Variants in NRXN3 observed in about 807,000 individuals in gnomAD.
NRXN3 encodes the protein neurexin III.
NRXN3 carries 32 observed loss-of-function variants against 137.6 expected under a neutral mutation model. That is an observed-to-expected ratio of 0.23 (90% CI 0.18 to 0.31). The LOEUF is 0.31. Ranked by LOEUF, NRXN3 falls within the 10% of genes least tolerant of loss-of-function variation. The probability of loss-of-function intolerance (pLI) is 1.00; values close to 1 mark genes in which losing one functional copy is unlikely to be tolerated. For synonymous variants in NRXN3, 798 were observed against 784.5 expected, an observed-to-expected ratio of 1.02 and a Z score of -0.29; for missense variants, 1,574 against 2,062.5, an observed-to-expected ratio of 0.76 and a Z score of 4.59.
At chr14:79,356,538 T>C (rs569503795) in intron 15 of NRXN3, among the ~76,000 whole-genome samples, 16 of 152,274 alleles carry the variant, frequency 1.1e-4, no homozygotes, top group African/African-American at 3.9e-4. Flanking sequence ...CATTTAAAGA[T>C]AATTGCAGAA....
At chr14:78,548,849 G>T (rs1600284367) in intron 4 of NRXN3, among the ~76,000 whole-genome samples, 1 of 152,248 alleles carries the variant, frequency 6.6e-6, no homozygotes, top group East Asian at 1.9e-4. Flanking sequence ...CCAAACCACA[G>T]GGGCTCTAGG....
chr14:79,697,071 C>A (rs559276291), intron 18 of NRXN3, among the ~76,000 whole-genome samples: 17 of 151,842 alleles, frequency 1.1e-4, no homozygotes, highest in Non-Finnish European at 2.5e-4. Flanking sequence ...AGAAATGATA[C>A]GTTTGGTGAC....
intron 4 of NRXN3, among the ~76,000 whole-genome samples, chr14:78,581,539 A>T (rs756362861): frequency 6.6e-6 from 1 of 152,246 alleles, no homozygotes; most frequent in Non-Finnish European, 1.5e-5. Context: ...CACATTGGTG[A>T]TTAAGTTTCA....
intron 5 of NRXN3, among the ~76,000 whole-genome samples, chr14:78,648,124 A>T (rs1176286711): frequency 6.6e-6 from 1 of 152,198 alleles, no homozygotes; most frequent in African/African-American, 2.4e-5. Context: ...TGTGGCTTAC[A>T]ATTAAAGGAA....
intron 4 of NRXN3, among the ~76,000 whole-genome samples, chr14:78,368,547 T>C (rs1022641546): frequency 6.6e-6 from 1 of 152,014 alleles, no homozygotes; most frequent in Non-Finnish European, 1.5e-5. Context: ...CAAAAAAAAT[T>C]AGCCAGGCAC....
At chr14:79,632,705 C>T (rs976980463) in intron 16 of NRXN3, among the ~76,000 whole-genome samples, 10 of 152,096 alleles carry the variant, frequency 6.6e-5, no homozygotes, top group Admixed American at 3.9e-4. Flanking sequence ...GTGTTCTAGT[C>T]ACAATATTAA....
chr14:78,758,280 C>A (rs573817097), intron 8 of NRXN3, among the ~76,000 whole-genome samples: 2 of 152,280 alleles, frequency 1.3e-5, no homozygotes, highest in East Asian at 3.9e-4. Context: ...TGGGACTACT[C>A]TAATAGCGAA....
intron 7 of NRXN3, 23 bp from the exon 8 acceptor site, chr14:78,714,733 T>A: frequency 2.5e-6 from 4 of 1,605,520 alleles, no homozygotes; most frequent in Non-Finnish European, 3.4e-6. Flanking sequence ...CAGACTCACC[T>A]GAGATCTGTC....
At chr14:78,453,164 A>G (rs2094590577) in intron 4 of NRXN3, among the ~76,000 whole-genome samples, 1 of 152,224 alleles carries the variant, frequency 6.6e-6, no homozygotes, top group African/African-American at 2.4e-5. Context: ...CTCTCTTGTC[A>G]TAATGGCTAC....
At chr14:78,918,285 C>CAAAAAAAAAA (rs71454807) in intron 10 of NRXN3, among the ~76,000 whole-genome samples, 1 of 34,656 alleles carries the variant, frequency 2.9e-5, no homozygotes, top group African/African-American at 1.3e-4. Context: ...AACTCCATCT[C>CAAAAAAAAAA]AAAAAAAAAA....
intron 11 of NRXN3, among the ~76,000 whole-genome samples, chr14:78,961,559 T>C (rs1381718116): frequency 2.6e-5 from 4 of 152,198 alleles, no homozygotes; most frequent in Admixed American, 2.6e-4. Context: ...GAATGCAGCA[T>C]AATTAGTAAT....
At chr14:79,184,221 C>T (rs953830020) in intron 15 of NRXN3, among the ~76,000 whole-genome samples, 1 of 152,074 alleles carries the variant, frequency 6.6e-6, no homozygotes, top group Non-Finnish European at 1.5e-5. Flanking sequence ...TTAGCCCAAA[C>T]AAGATATGAA....
intron 10 of NRXN3, among the ~76,000 whole-genome samples, chr14:78,833,618 TGAA>T (rs2152413992): frequency 6.6e-6 from 1 of 152,282 alleles, no homozygotes; most frequent in Non-Finnish European, 1.5e-5. Flanking sequence ...GAGACTTACT[TGAA>T]GAGAATATTT....
chr14:78,291,151 C>A (rs1475039320), intron 3 of NRXN3, among the ~76,000 whole-genome samples: 1 of 152,190 alleles, frequency 6.6e-6, no homozygotes, highest in Non-Finnish European at 1.5e-5. Context: ...TAGCACTGAA[C>A]TAGAGGGGGT....
chr14:79,765,254 T>C (rs2099052076), intron 19 of NRXN3, among the ~76,000 whole-genome samples: 2 of 152,168 alleles, frequency 1.3e-5, no homozygotes, highest in African/African-American at 4.8e-5. Context: ...ATTTATACAG[T>C]AGGAGGAAGG....
At chr14:78,299,739 A>G (rs1332338857) in intron 4 of NRXN3, among the ~76,000 whole-genome samples, 1 of 152,204 alleles carries the variant, frequency 6.6e-6, no homozygotes, top group Non-Finnish European at 1.5e-5. Context: ...AGCCTATATT[A>G]TATTCCTTAT....
At chr14:79,049,480 G>T (rs1484424491) in intron 15 of NRXN3, among the ~76,000 whole-genome samples, 3 of 152,086 alleles carry the variant, frequency 2.0e-5, no homozygotes, top group Non-Finnish European at 4.4e-5. Context: ...CTATGCCAAA[G>T]TCTTGAACCC....
intron 17 of NRXN3, among the ~76,000 whole-genome samples, chr14:79,680,010 C>A (rs935762099): frequency 2.6e-5 from 4 of 152,072 alleles, no homozygotes; most frequent in Non-Finnish European, 5.9e-5. Context: ...ATTTTGGGGT[C>A]TTTACTCTAG....
intron 19 of NRXN3, among the ~76,000 whole-genome samples, chr14:79,723,842 G>A (rs1325895631): frequency 2.0e-5 from 3 of 152,048 alleles, no homozygotes; most frequent in Admixed American, 6.6e-5. Context: ...CAGCTAGAAC[G>A]GCAATCAGTG....
Sources: allele counts gnomAD v4.1 joint callset (sites outside exome capture counted in the v4.1 genomes callset), GRCh38; gene constraint gnomAD v4.1.1; transcripts MANE v1.5; gene names NCBI Gene and HGNC (gene_info 2026-07-23, HGNC 2026-07-21).